The following SNED1 variants were observed in gnomAD, a reference collection of about 807,000 sequenced individuals.
SNED1 encodes the protein sushi, nidogen and EGF-like domain-containing protein 1.
In SNED1, 81 loss-of-function variants were observed where a neutral mutation model predicts 166.7. The observed-to-expected ratio is 0.49, with a 90% confidence interval of 0.41 to 0.58. The LOEUF (loss-of-function observed/expected upper bound fraction) is 0.58, where lower values mean the gene tolerates loss of function less well. Among genes scored for constraint, SNED1 ranks in the 20% least tolerant of loss-of-function variants. The pLI, the probability that SNED1 is intolerant of heterozygous loss-of-function variation, is 0.00. For missense variants in SNED1, 1,604 were observed against 2,000.2 expected, an observed-to-expected ratio of 0.80 and a Z score of 3.78; for synonymous variants, 762 against 822.0, an observed-to-expected ratio of 0.93 and a Z score of 1.25.
intron 26 of SNED1, chr2:241,072,105 G>C (rs1032489233): frequency 1.9e-5 from 13 of 699,422 alleles, no homozygotes; most frequent in Admixed American, 4.0e-5. Context: ...GTCAGTGTGT[G>C]GGCTGGAGGC....
At chr2:241,071,120 C>A (rs563727211) in intron 24 of SNED1, among the ~76,000 whole-genome samples, 2 of 152,132 alleles carry the variant, frequency 1.3e-5, no homozygotes, top group African/African-American at 4.8e-5. Context: ...GGCTGAAGGA[C>A]GCTGTTAGGG....
chr2:241,010,929 G>A (rs1386176416), intron 1 of SNED1, among the ~76,000 whole-genome samples: 1 of 152,214 alleles, frequency 6.6e-6, no homozygotes, highest in African/African-American at 2.4e-5. Context: ...CCAGACGGTG[G>A]CCACGGGGAG....
Position 241,053,162 on chromosome 2 carries a change from G to A in SNED1, c.2093G>A (p.Cys698Tyr). The change falls in exon 16 of 32, where the codon TGC (cysteine) becomes TAC (tyrosine). Residue 698 changes from cysteine to tyrosine, a missense_variant. Cys to Tyr is a radical substitution (Grantham distance 194). Around this residue, in one of 2 missense-constraint regions of SNED1, gnomAD observed 1,237 missense variants for 1,620.8 expected, o/e 0.76. Transcript: ENST00000310397. ...MGRRCQAEVD[C>Y]GPPEEVKHAT... The stretch of plus-strand genomic sequence containing the variant: ...CTGCCGTGCCTTGCAGAGGTGGACT[G>A]CGGCCCCCCGGAGGAGGTGAAGCAC... The A allele has an allele frequency of 6.2e-7, 1 of 1,610,082 alleles. No individual in the cohort carries two copies. The highest frequency in any genetic ancestry group is 1.3e-5 in the African/African-American group (1 of 75,002).
In SNED1 at chr2:241,034,605, G is replaced by C. The variant is rs1337749070; in HGVS notation, c.680G>C (p.Ser227Thr). ...FNAGDGQRYF[S>T]IPGSRTADMA... ...GCAGGCGATGGGCAGCGTTACTTCA[G>C]TATCCCCGGCTCGCGCACAGCAGAC... Residue 227 changes from serine to threonine, a missense_variant, in exon 4 of 32, where the codon AGT becomes ACT. Physicochemically the swap from Ser to Thr is moderately conservative, Grantham distance 58. Coordinates refer to ENST00000310397, the MANE Select transcript of SNED1 (RefSeq NM_001080437.3). 1.2e-6 allele frequency: 2 copies of C among 1,611,284 alleles called. No homozygotes were observed. The highest frequency in any genetic ancestry group is 1.7e-6 in the Non-Finnish European group (2 of 1,178,998).
At chr2:241,053,397 C>G in intron 16 of SNED1, 71 bp downstream of exon 16, 1 of 1,447,506 alleles carries the variant, frequency 6.9e-7, no homozygotes, top group Non-Finnish European at 9.3e-7. Context: ...TGTGGAGGAG[C>G]ACAGGGGCTG....
intron 1 of SNED1, among the ~76,000 whole-genome samples, chr2:241,025,641 C>G (rs1307027704): frequency 6.6e-6 from 1 of 152,110 alleles, no homozygotes; most frequent in Non-Finnish European, 1.5e-5. Flanking sequence ...TGAAGTTGAT[C>G]TGTTAGCATC....
chr2:241,094,771 A>G lies in SNED1; in HGVS notation c.*3135A>G, dbSNP rs1470170028. The G allele has an allele frequency of 2.4e-5, 4 of 168,046 alleles. No homozygotes were observed. Among genetic ancestry groups the G allele is most frequent in the Non-Finnish European group, 5.2e-5 (4 of 77,380 alleles). The allele number at this position is 168,046 out of a possible 1,614,324, so 10.4% of individuals were successfully genotyped here. A position where few individuals can be genotyped will look rare whatever the true frequency, so the allele number is the denominator to read the frequency against. On this transcript the variant is annotated 3_prime_UTR_variant, in exon 32 of 32. Coordinates refer to ENST00000310397, the MANE Select transcript of SNED1 (RefSeq NM_001080437.3). This position sits in a 1 kb window ranked among gnomAD's most constrained non-coding sequence, Gnocchi z 4.3. ...GGCCTCTACCCACTAGAATCCTACA[A>G]TCTACCAGATCCTAGGATCTAGTTG...
At chr2:241,077,751 C>T (rs2063098351) in intron 27 of SNED1, among the ~76,000 whole-genome samples, 1 of 152,206 alleles carries the variant, frequency 6.6e-6, no homozygotes, top group African/African-American at 2.4e-5. Flanking sequence ...CGAAAAGATC[C>T]TTGACATCAT....
At chr2:241,030,647 C>G (rs908124293) in intron 2 of SNED1, 76 bp downstream of exon 2, 17 of 1,461,190 alleles carry the variant, frequency 1.2e-5, no homozygotes, top group Non-Finnish European at 1.6e-5. Flanking sequence ...AGGGCTCCCT[C>G]TTGCTGATGT....
At chr2:241,054,474 C>T (rs1316975680) in intron 16 of SNED1, among the ~76,000 whole-genome samples, 1 of 152,122 alleles carries the variant, frequency 6.6e-6, no homozygotes, top group East Asian at 1.9e-4. Context: ...GAGACTGAGG[C>T]AGGAGATCAC....
chr2:241,067,658 C>G, intron 21 of SNED1, 106 bp from the exon 22 acceptor site: 1 of 891,790 alleles, frequency 1.1e-6, no homozygotes, highest in Non-Finnish European at 1.7e-6. Context: ...TCCAGTGCCT[C>G]TCTGTGGCCC....
intron 4 of SNED1, 30 bp from the exon 5 acceptor site, chr2:241,036,760 T>C: frequency 6.2e-7 from 1 of 1,603,170 alleles, no homozygotes; most frequent in Non-Finnish European, 8.5e-7. Flanking sequence ...AGGCAGCGGC[T>C]GAGGCTCCAG....
intron 4 of SNED1, among the ~76,000 whole-genome samples, chr2:241,036,174 C>T (rs906201368): frequency 2.0e-5 from 3 of 151,730 alleles, no homozygotes; most frequent in East Asian, 1.9e-4. Context: ...GATGCAGTCG[C>T]AGGGCGGGAA....
chr2:241,035,039 G>T (rs998300174), intron 4 of SNED1, among the ~76,000 whole-genome samples: 1 of 152,138 alleles, frequency 6.6e-6, no homozygotes, highest in African/African-American at 2.4e-5. Flanking sequence ...GGAGACTGCG[G>T]GTTTCGGGGG....
intron 16 of SNED1, among the ~76,000 whole-genome samples, chr2:241,053,879 G>A (rs1202997489): frequency 6.6e-6 from 1 of 152,232 alleles, no homozygotes; most frequent in African/African-American, 2.4e-5. Flanking sequence ...ACACCCTGCA[G>A]GTGCATCGCA....
rs887031840 is a variant in SNED1, at chr2:241,073,562, CG to C, written c.3916+201del. ...CACCCAAGCAGTGGGACCCCACAGA[CG>C]GGAACAGGCCAGGGGGCAGGACCCA... On this transcript the variant is annotated intron_variant, in intron 27 of 31. Transcript: ENST00000310397. The surrounding 1 kb of genome is among the most constrained non-coding windows in gnomAD (Gnocchi z 6.6). 1 of 627,888 alleles carries C rather than the reference CG, an allele frequency of 1.6e-6. No individual in the cohort carries two copies. The highest frequency in any genetic ancestry group is 1.8e-5 in the African/African-American group (1 of 54,882). 38.9% of individuals were successfully genotyped at this position (627,888 alleles called of 1,614,324 possible). A position where few individuals can be genotyped will look rare whatever the true frequency, so the allele number is the denominator to read the frequency against.
chr2:241,069,975 C>A lies in SNED1; in HGVS notation c.3363C>A (p.His1121Gln), dbSNP rs755878542. Residue 1121 changes from histidine to glutamine, a missense_variant, in exon 24 of 32, where the codon CAC becomes CAA. By Grantham distance (24) the His-to-Gln change is conservative. This residue lies in a region of SNED1 where 1,237 missense variants were observed against 1,620.8 expected (regional missense o/e 0.76). Coordinates refer to ENST00000310397, the MANE Select transcript of SNED1 (RefSeq NM_001080437.3). This position sits in a 1 kb window ranked among gnomAD's most constrained non-coding sequence, Gnocchi z 4.9. ...CCCGAGTCACTGCCACCTCTGCCCA[C>A]GTGGTCTGGGATGCCCCGACTCCAG... ...TAARVTATSAHVVWDAPTPGS... is the reference protein window; with the variant it reads ...TAARVTATSAQVVWDAPTPGS... 1.9e-6 allele frequency: 3 copies of A among 1,613,022 alleles called. No individual in the cohort carries two copies. The highest frequency in any genetic ancestry group is 2.5e-6 in the Non-Finnish European group (3 of 1,179,886).
At chr2:241,077,578 A>C (rs1463729497) in intron 27 of SNED1, among the ~76,000 whole-genome samples, 1 of 152,024 alleles carries the variant, frequency 6.6e-6, no homozygotes, top group Admixed American at 6.6e-5. Context: ...AAAGACAAAC[A>C]ACCCAGTTCA....
At chr2:241,081,872 G>A (rs111856095) in intron 28 of SNED1, 79 bp downstream of exon 28, 13 of 1,101,972 alleles carry the variant, frequency 1.2e-5, no homozygotes, top group African/African-American at 1.1e-4. Context: ...CCACAGCTGG[G>A]TTTGCCACGG....
Sources: gnomAD v4.1 joint callset for allele counts (sites outside exome capture counted in the v4.1 genomes callset) on GRCh38, gnomAD v4.1.1 for gene constraint, gnomAD v4.1.1 regional missense constraint, Gnocchi (gnomAD v3.1) non-coding constraint, MANE v1.5 for transcripts, NCBI Gene and HGNC (gene_info 2026-07-23, HGNC 2026-07-21) for gene names.